SP100: variants seen among roughly 807,000 people sequenced by gnomAD.
SP100 encodes nuclear autoantigen Sp-100.
In SP100, 84 loss-of-function variants were observed where a neutral mutation model predicts 130.0. The ratio of observed to expected loss-of-function variants is 0.65; its 90% CI spans 0.54 to 0.77. The LOEUF is 0.77. Among genes scored for constraint, SP100 ranks in the 30% least tolerant of loss-of-function variants. The pLI is 0.00. For synonymous variants in SP100, 331 were observed against 351.7 expected, an observed-to-expected ratio of 0.94 and a Z score of 0.66; for missense variants, 978 against 1,052.2, an observed-to-expected ratio of 0.93 and a Z score of 0.97.
intron 24 of SP100, among the ~76,000 whole-genome samples, chr2:230,531,371 G>A (rs1691693073): frequency 6.7e-6 from 1 of 148,832 alleles, no homozygotes. Context: ...TGAATAATGA[G>A]AACACATGGA....
At chr2:230,516,479 G>A (rs1221913452) in intron 24 of SP100, 1 of 152,128 alleles carries the variant, frequency 6.6e-6, no homozygotes, top group African/African-American at 2.4e-5. Flanking sequence ...AAAAGAATCG[G>A]CAATGTTTCA....
chr2:230,511,537 T>C (rs544593400), intron 24 of SP100, among the ~76,000 whole-genome samples: 2 of 152,096 alleles, frequency 1.3e-5, no homozygotes, highest in Non-Finnish European at 2.9e-5. Context: ...GTGGTGGGAA[T>C]GGAAAGGAAA....
intron 8 of SP100, among the ~76,000 whole-genome samples, chr2:230,452,438 G>A (rs1420465191): frequency 6.6e-6 from 1 of 152,118 alleles, no homozygotes; most frequent in East Asian, 1.9e-4. Flanking sequence ...CAAACTCCTA[G>A]ATGCTGGGAT....
chr2:230,541,974 G>A lies in SP100; in HGVS notation c.2486G>A (p.Arg829Gln), dbSNP rs200000871. The change falls in exon 28 of 29, where the codon CGA (arginine) becomes CAA (glutamine). Residue 829 changes from arginine to glutamine, a missense_variant. Transcript: ENST00000340126. Reference sequence around the variant, plus strand: ...AGTTTGAATGAGCAGATGTACACCCGAGTAGAAGGGTTTGTGCAGGACATG... The same window carrying A: ...AGTTTGAATGAGCAGATGTACACCCAAGTAGAAGGGTTTGTGCAGGACATG... ...KTSLNEQMYT[R>Q]VEGFVQDMRL... 2.3e-5 allele frequency: 37 copies of A among 1,613,946 alleles called. No individual in the cohort carries two copies. The highest frequency in any genetic ancestry group is 3.3e-5 in the Admixed American group (2 of 59,986).
intron 8 of SP100, among the ~76,000 whole-genome samples, chr2:230,455,696 CCTTT>C (rs1412442827): frequency 2.6e-5 from 4 of 152,090 alleles, no homozygotes; most frequent in Non-Finnish European, 5.9e-5. Context: ...ATTCTTTATT[CCTTT>C]CTTTCTCTCT....
At position 230,494,505 on chromosome 2, in the gene SP100, C is replaced by T. The variant is rs2066559718; in HGVS notation, c.1645+45C>T. The T allele has an allele frequency of 4.2e-6, 6 of 1,423,456 alleles. No homozygotes were observed. In the South Asian group the frequency reaches 6.9e-5, roughly 16 times the overall value. 88.2% of individuals were successfully genotyped at this position (1,423,456 alleles called of 1,614,324 possible). ...TTTACTCCTTTGAACTCGCTGTGGT[C>T]CTGTTCTTCCTGCCAGACCCCATCT... On this transcript the variant is annotated intron_variant, in intron 18 of 28. Coordinates refer to ENST00000340126, the MANE Select transcript of SP100 (RefSeq NM_001080391.2).
chr2:230,484,200 G>A (rs561882287), intron 17 of SP100, among the ~76,000 whole-genome samples: 7 of 152,324 alleles, frequency 4.6e-5, no homozygotes, highest in East Asian at 1.9e-4. Context: ...CAGTGTGAAC[G>A]CTGAAACAAG....
chr2:230,515,111 A>G (rs750042488), intron 24 of SP100: 1 of 1,612,998 alleles, frequency 6.2e-7, no homozygotes, highest in Non-Finnish European at 8.5e-7. Flanking sequence ...CATAAGAAGA[A>G]GAACCCAGAT....
At chr2:230,460,263 T>G (rs1457919576) in intron 8 of SP100, among the ~76,000 whole-genome samples, 1 of 152,182 alleles carries the variant, frequency 6.6e-6, no homozygotes. Context: ...AAATAATTCA[T>G]GGCTTATTTC....
chr2:230,423,072 C>T (rs905546801), intron 2 of SP100, among the ~76,000 whole-genome samples: 2 of 152,184 alleles, frequency 1.3e-5, no homozygotes, highest in Non-Finnish European at 2.9e-5. Context: ...CAGACATCAT[C>T]TGTTCCTTGA....
chr2:230,486,828 C>T (rs189537802), intron 17 of SP100, among the ~76,000 whole-genome samples: 3 of 152,236 alleles, frequency 2.0e-5, no homozygotes, highest in Admixed American at 6.5e-5. Flanking sequence ...TTCACAGCCT[C>T]ACCAGCATCT....
chr2:230,472,651 A>G (rs7595324), intron 15 of SP100, among the ~76,000 whole-genome samples: 1,811 of 152,272 alleles, frequency 0.012, 39 homozygotes, highest in African/African-American at 0.041. Flanking sequence ...GAATTAAAAG[A>G]TGAGAGAAAA....
chr2:230,503,543 C>A (rs2067152758), intron 20 of SP100, among the ~76,000 whole-genome samples: 1 of 152,138 alleles, frequency 6.6e-6, no homozygotes, highest in African/African-American at 2.4e-5. Flanking sequence ...ACTATAATCA[C>A]CCTATTGATC....
intron 24 of SP100, chr2:230,515,193 A>C (rs1334765109): frequency 3.7e-6 from 6 of 1,613,642 alleles, no homozygotes; most frequent in Non-Finnish European, 5.1e-6. Context: ...CTAAAGAGAA[A>C]GGAAAATTTG....
At chr2:230,524,861 T>C (rs1360301545) in intron 24 of SP100, among the ~76,000 whole-genome samples, 3 of 152,212 alleles carry the variant, frequency 2.0e-5, no homozygotes, top group Admixed American at 2.0e-4. Context: ...AGGACAAGAA[T>C]TCTAGTTAAT....
intron 8 of SP100, among the ~76,000 whole-genome samples, chr2:230,458,176 C>T (rs1575648211): frequency 6.6e-6 from 1 of 152,250 alleles, no homozygotes; most frequent in South Asian, 2.1e-4. Flanking sequence ...CAAAACTTAA[C>T]AACTGCTGTT....
intron 2 of SP100, among the ~76,000 whole-genome samples, chr2:230,418,214 A>AT (rs1484748863): frequency 2.0e-5 from 3 of 152,190 alleles, no homozygotes; most frequent in Non-Finnish European, 4.4e-5. Flanking sequence ...CTTTGTGTTC[A>AT]TAATAGTTGT....
At chr2:230,514,989 G>A (rs547854718) in intron 24 of SP100, 9 of 1,541,822 alleles carry the variant, frequency 5.8e-6, no homozygotes, top group South Asian at 3.9e-5. Context: ...GGCCCTGGGC[G>A]ACTCTGTACC....
rs540771479 is a variant in SP100 at position 230,515,074 on chromosome 2, T to G, written c.2094+3908T>G. 9.9e-6 allele frequency: 16 copies of G among 1,610,702 alleles called. No individual in the cohort carries two copies. The African/African-American group carries it at 2.0e-4, about 20-fold the overall frequency. On this transcript the variant is annotated intron_variant, in intron 24 of 28. Transcript: ENST00000340126. Reference sequence around the variant, plus strand: ...GAGAGGTGAAATGTTATCATATGCATTTTTTGTGCAAACTTGTCAGGAGGA... The same window carrying G: ...GAGAGGTGAAATGTTATCATATGCAGTTTTTGTGCAAACTTGTCAGGAGGA...
Sources: gnomAD v4.1 joint callset for allele counts (sites outside exome capture counted in the v4.1 genomes callset) on GRCh38, gnomAD v4.1.1 for gene constraint, MANE v1.5 for transcripts, NCBI Gene and HGNC (gene_info 2026-07-23, HGNC 2026-07-21) for gene names.